DNAH11: variants seen among roughly 807,000 people sequenced by gnomAD.
DNAH11 encodes the protein dynein axonemal heavy chain 11.
In DNAH11, 442 loss-of-function variants were observed where a neutral mutation model predicts 526.0. The observed-to-expected ratio is 0.84, with a 90% confidence interval of 0.78 to 0.91. The LOEUF (loss-of-function observed/expected upper bound fraction) is 0.91, where lower values mean the gene tolerates loss of function less well. Ranked by LOEUF, DNAH11 falls within the 40% of genes least tolerant of loss-of-function variation. DNAH11 has a pLI of 0.00. For missense variants in DNAH11, 6,989 were observed against 5,448.7 expected (o/e 1.28, Z -8.90); for synonymous variants, 2,461 against 1,935.9 (o/e 1.27, Z -7.12).
intron 73 of DNAH11, among the ~76,000 whole-genome samples, chr7:21,871,810 C>T (rs1057228447): frequency 4.6e-5 from 5 of 107,726 alleles, no homozygotes; most frequent in African/African-American, 1.4e-4. Context: ...CTCATAAAGA[C>T]ATCAGTCATA....
intron 28 of DNAH11, among the ~76,000 whole-genome samples, chr7:21,639,330 C>T (rs148567770): frequency 1.3e-5 from 2 of 151,870 alleles, no homozygotes; most frequent in African/African-American, 4.8e-5. Context: ...GAAAGAAACA[C>T]TGTCGCCAAA....
chr7:21,767,973 G>T (rs1308305281), intron 55 of DNAH11, among the ~76,000 whole-genome samples: 1 of 152,122 alleles, frequency 6.6e-6, no homozygotes, highest in Non-Finnish European at 1.5e-5. Flanking sequence ...AAGCAGTTTT[G>T]TGTGTGTTGG....
intron 5 of DNAH11, 43 bp from the exon 6 acceptor site, chr7:21,564,143 A>AC (rs768658561): frequency 2.1e-5 from 30 of 1,462,950 alleles, no homozygotes; most frequent in Non-Finnish European, 2.4e-5. Flanking sequence ...AAAAAAAAAA[A>AC]AAACAAACCA....
intron 56 of DNAH11, among the ~76,000 whole-genome samples, chr7:21,777,823 C>G (rs1466163550): frequency 6.6e-6 from 1 of 152,062 alleles, no homozygotes; most frequent in African/African-American, 2.4e-5. Flanking sequence ...AGTAATCATG[C>G]TTTTTAGATA....
At chr7:21,711,411 T>G (rs572062253) in intron 41 of DNAH11, among the ~76,000 whole-genome samples, 2 of 152,372 alleles carry the variant, frequency 1.3e-5, no homozygotes, top group South Asian at 4.1e-4. Context: ...AAGAAAAGTT[T>G]ATGGTATTCA....
chr7:21,876,440 A>G (rs774066193), intron 74 of DNAH11, among the ~76,000 whole-genome samples: 24 of 152,198 alleles, frequency 1.6e-4, no homozygotes, highest in Non-Finnish European at 3.1e-4. Flanking sequence ...AATTCAAGGG[A>G]TTTAGCCTGT....
In DNAH11 at chr7:21,591,585, C is replaced by T; in HGVS notation, c.2667+8C>T. The T allele has an allele frequency of 1.3e-6, 2 of 1,517,726 alleles. No individual in the cohort carries two copies. Among genetic ancestry groups the T allele is most frequent in the Non-Finnish European group, 1.8e-6 (2 of 1,133,040 alleles). 94.0% of individuals were successfully genotyped at this position (1,517,726 alleles called of 1,614,324 possible). On this transcript the variant is annotated splice_region_variant and intron_variant, in intron 14 of 81. Coordinates refer to ENST00000409508, the MANE Select transcript of DNAH11 (RefSeq NM_001277115.2). The stretch of plus-strand genomic sequence containing the variant: ...ATCCACAACTTGGTCGAGGTAATGG[C>T]TTTTAACCTTTCAAGATTTATAGAT...
At chr7:21,842,958 A>G (rs190912730) in intron 66 of DNAH11, among the ~76,000 whole-genome samples, 1 of 152,342 alleles carries the variant, frequency 6.6e-6, no homozygotes, top group African/African-American at 2.4e-5. Flanking sequence ...CGTAGGAGAT[A>G]GGGTGGCTCT....
chr7:21,852,446 A>T, intron 66 of DNAH11, 21 bp from the exon 67 acceptor site: 1 of 1,589,854 alleles, frequency 6.3e-7, no homozygotes, highest in Non-Finnish European at 8.5e-7. Context: ...CATTTCCCAC[A>T]CTTTTCTTGG....
intron 56 of DNAH11, among the ~76,000 whole-genome samples, chr7:21,777,434 A>T (rs1397744298): frequency 6.6e-6 from 1 of 152,088 alleles, no homozygotes; most frequent in Admixed American, 6.6e-5. Context: ...ACAAACAACC[A>T]AAAATGAAAT....
chr7:21,764,647 C>G (rs1232220724), intron 54 of DNAH11, among the ~76,000 whole-genome samples: 1 of 152,202 alleles, frequency 6.6e-6, no homozygotes, highest in Admixed American at 6.5e-5. Flanking sequence ...CACACAGGAG[C>G]TGACCAGGTG....
chr7:21,815,860 C>A (rs1449175910), intron 63 of DNAH11, among the ~76,000 whole-genome samples: 2 of 152,110 alleles, frequency 1.3e-5, no homozygotes, highest in African/African-American at 4.8e-5. Flanking sequence ...TTGCCCCTCC[C>A]TCCTCGATTG....
chr7:21,543,752 C>A, intron 1 of DNAH11, 156 bp downstream of exon 1: 1 of 696,088 alleles, frequency 1.4e-6, no homozygotes, highest in Non-Finnish European at 2.4e-6. Context: ...GGACTCCTCC[C>A]CACGTGCACC....
At chr7:21,577,187 C>A (rs1487670935) in intron 8 of DNAH11, among the ~76,000 whole-genome samples, 1 of 152,190 alleles carries the variant, frequency 6.6e-6, no homozygotes, top group Non-Finnish European at 1.5e-5. Context: ...CTGATCTCTC[C>A]CTAGCCAAAG....
intron 2 of DNAH11, among the ~76,000 whole-genome samples, chr7:21,556,797 C>T (rs898176898): frequency 7.9e-5 from 12 of 152,090 alleles, no homozygotes; most frequent in African/African-American, 2.7e-4. Flanking sequence ...TGCGGTGGCT[C>T]GCACCTGTAG....
At chr7:21,614,504 C>T (rs1015738579) in intron 20 of DNAH11, among the ~76,000 whole-genome samples, 1 of 152,026 alleles carries the variant, frequency 6.6e-6, no homozygotes, top group Non-Finnish European at 1.5e-5. Context: ...TTGGTCATCA[C>T]AAAAGAAAAA....
At position 21,854,573 on chromosome 7, in the gene DNAH11, A is replaced by C. The variant is rs943042862; in HGVS notation, c.11202+118A>C. On this transcript the variant is annotated intron_variant, in intron 68 of 81. Transcript: ENST00000409508. The stretch of plus-strand genomic sequence containing the variant: ...TAACTATTATTACTATTATTGAGAC[A>C]GAGTCTCACTCTGTAGCCCAGGCTG... 3 of 1,113,240 alleles carry C rather than the reference A, an allele frequency of 2.7e-6. No individual in the cohort carries two copies. In the Admixed American group the frequency reaches 8.3e-5, roughly 31 times the overall value. 69.0% of individuals were successfully genotyped at this position (1,113,240 alleles called of 1,614,324 possible).
At chr7:21,645,527 G>A (rs1257234632) in intron 28 of DNAH11, among the ~76,000 whole-genome samples, 8 of 152,104 alleles carry the variant, frequency 5.3e-5, no homozygotes, top group African/African-American at 1.7e-4. Context: ...CAAGAGGCTC[G>A]TGGAACTTGA....
At chr7:21,543,623 G>A (rs1443514258) in intron 1 of DNAH11, 27 bp downstream of exon 1, 1 of 1,560,392 alleles carries the variant, frequency 6.4e-7, no homozygotes, top group Non-Finnish European at 8.7e-7. Context: ...AAGGGGACCT[G>A]CCCATCCAAC....
Sources: allele counts gnomAD v4.1 joint callset (sites outside exome capture counted in the v4.1 genomes callset), GRCh38; gene constraint gnomAD v4.1.1; transcripts MANE v1.5; gene names NCBI Gene and HGNC (gene_info 2026-07-23, HGNC 2026-07-21).